Variants in OTUD7A observed in about 807,000 individuals in gnomAD.
The protein encoded by OTUD7A is OTU deubiquitinase 7A.
OTUD7A carries 12 observed loss-of-function variants against 65.7 expected under a neutral mutation model. The observed-to-expected ratio is 0.18, with a 90% CI of 0.12 to 0.30. OTUD7A has a LOEUF of 0.30. Among genes scored for constraint, OTUD7A ranks in the 10% least tolerant of loss-of-function variants. The pLI, the probability that OTUD7A is intolerant of heterozygous loss-of-function variation, is 1.00. For synonymous variants in OTUD7A, 641 were observed against 586.3 expected (o/e 1.09, Z -1.35); for missense variants, 1,148 against 1,304.8 (o/e 0.88, Z 1.85).
Position 31,483,551 on chromosome 15 carries a change from C to A in OTUD7A, c.2545G>T (p.Gly849Trp). 1 of 1,310,222 alleles carries A rather than the reference C, an allele frequency of 7.6e-7. No individual in the cohort carries two copies. 81.2% of individuals were successfully genotyped at this position (1,310,222 alleles called of 1,614,324 possible). ...GALPGAAGTA[G>W]AAEHKSQTYT... ...GTCTGCGACTTGTGCTCGGCCGCCC[C>A]CGCCGTCCCCGCCGCGCCCGGTAGG... The change falls in exon 13 of 13, where the codon GGG becomes TGG. Residue 849 changes from glycine to tryptophan, a missense_variant. Physicochemically the swap from Gly to Trp is radical, Grantham distance 184 (BLOSUM62 -2). Coordinates refer to ENST00000307050, the MANE Select transcript of OTUD7A (RefSeq NM_001382637.1).
At chr15:31,780,379 G>A (rs535604407) in intron 1 of OTUD7A, among the ~76,000 whole-genome samples, 2 of 152,158 alleles carry the variant, frequency 1.3e-5, no homozygotes, top group Non-Finnish European at 2.9e-5. Context: ...CTTTACTATA[G>A]ATTAAATTTC....
intron 1 of OTUD7A, chr15:31,766,830 T>G: frequency 6.2e-7 from 1 of 1,612,584 alleles, no homozygotes; most frequent in Non-Finnish European, 8.5e-7. Context: ...GTTTATTATT[T>G]TGTCCTTCTA....
chr15:31,526,244 A>C, intron 8 of OTUD7A, 105 bp downstream of exon 8: 1 of 1,162,070 alleles, frequency 8.6e-7, no homozygotes, highest in East Asian at 2.7e-5. Flanking sequence ...CTTCCACAGC[A>C]CAAGAGTCCC....
chr15:31,491,758 A>G (rs1361460516), intron 10 of OTUD7A, among the ~76,000 whole-genome samples: 1 of 152,216 alleles, frequency 6.6e-6, no homozygotes, highest in Admixed American at 6.5e-5. Context: ...GAAGGCAGCC[A>G]GAGAAAAAAG....
At chr15:31,609,371 G>A (rs967241234) in intron 3 of OTUD7A, among the ~76,000 whole-genome samples, 4 of 152,180 alleles carry the variant, frequency 2.6e-5, no homozygotes, top group Non-Finnish European at 5.9e-5. Flanking sequence ...ACTTGGTGCC[G>A]TTAGCAGGCA....
chr15:31,755,007 G>A (rs962333465), intron 1 of OTUD7A, among the ~76,000 whole-genome samples: 3 of 151,632 alleles, frequency 2.0e-5, no homozygotes, highest in African/African-American at 7.3e-5. Flanking sequence ...GAGAGACAGA[G>A]AGAGAGAGAG....
chr15:31,837,138 C>T (rs944862640), intron 1 of OTUD7A, among the ~76,000 whole-genome samples: 1 of 152,148 alleles, frequency 6.6e-6, no homozygotes, highest in African/African-American at 2.4e-5. Context: ...AGCAAGGTCA[C>T]AAGATACAAC....
At chr15:31,573,502 CA>C (rs1241705613) in intron 3 of OTUD7A, among the ~76,000 whole-genome samples, 1 of 152,088 alleles carries the variant, frequency 6.6e-6, no homozygotes, top group African/African-American at 2.4e-5. Flanking sequence ...AATATTCTGT[CA>C]AAATGAAAAT....
chr15:31,486,794 A>G (rs1256613080), intron 12 of OTUD7A, among the ~76,000 whole-genome samples: 1 of 152,214 alleles, frequency 6.6e-6, no homozygotes, highest in Non-Finnish European at 1.5e-5. Flanking sequence ...GCGGCAGCAC[A>G]TTGTGTTCTG....
At chr15:31,520,443 C>T (rs888439655) in intron 8 of OTUD7A, among the ~76,000 whole-genome samples, 5 of 152,078 alleles carry the variant, frequency 3.3e-5, no homozygotes, top group African/African-American at 9.7e-5. Context: ...AATTGCATAG[C>T]GATATGCAGA....
chr15:31,605,216 G>A (rs768546483), intron 3 of OTUD7A, among the ~76,000 whole-genome samples: 31 of 152,088 alleles, frequency 2.0e-4, no homozygotes, highest in Non-Finnish European at 4.4e-5. Context: ...TGGTAAATAT[G>A]TTATGTGGCA....
intron 1 of OTUD7A, among the ~76,000 whole-genome samples, chr15:31,775,105 C>G (rs2140918392): frequency 1.3e-5 from 2 of 152,094 alleles, no homozygotes; most frequent in South Asian, 2.1e-4. Context: ...CACACACACA[C>G]ACACACACAC....
At chr15:31,503,208 G>C (rs2041499108) in intron 9 of OTUD7A, among the ~76,000 whole-genome samples, 2 of 152,218 alleles carry the variant, frequency 1.3e-5, no homozygotes, top group African/African-American at 2.4e-5. Context: ...TGGTGGGCAG[G>C]CCATAAACTG....
At chr15:31,645,995 A>G (rs964158152) in intron 3 of OTUD7A, among the ~76,000 whole-genome samples, 1 of 152,252 alleles carries the variant, frequency 6.6e-6, no homozygotes, top group African/African-American at 2.4e-5. Context: ...CTTAATATGC[A>G]GCAGCCTCCT....
At chr15:31,852,389 G>GT (rs1349693830) in intron 1 of OTUD7A, among the ~76,000 whole-genome samples, 1 of 152,154 alleles carries the variant, frequency 6.6e-6, no homozygotes, top group Non-Finnish European at 1.5e-5. Context: ...TTGAAACTAA[G>GT]TTTTGCAGAT....
At chr15:31,635,706 G>GT in intron 3 of OTUD7A, among the ~76,000 whole-genome samples, 1 of 152,344 alleles carries the variant, frequency 6.6e-6, no homozygotes, top group East Asian at 1.9e-4. Flanking sequence ...AAAAGTCGAT[G>GT]TAACTGGAGG....
intron 3 of OTUD7A, among the ~76,000 whole-genome samples, chr15:31,646,551 C>G (rs1424492034): frequency 3.3e-5 from 5 of 151,488 alleles, no homozygotes; most frequent in African/African-American, 1.2e-4. Context: ...ACCTCTGCCT[C>G]CTGGGTTCAA....
At chr15:31,563,161 GAA>G (rs1280460390) in intron 4 of OTUD7A, among the ~76,000 whole-genome samples, 3 of 152,170 alleles carry the variant, frequency 2.0e-5, no homozygotes, top group African/African-American at 7.2e-5. Flanking sequence ...GTAGCAGAGA[GAA>G]GGGTCCTTCT....
In OTUD7A at chr15:31,483,508, C is replaced by T. The variant is rs1337372126; in HGVS notation, c.2588G>A (p.Gly863Asp). The change falls in exon 13 of 13, where the codon GGC (glycine) becomes GAC (aspartate). Residue 863 changes from glycine (G) to aspartate (D), a missense_variant. Physicochemically the swap from Gly to Asp is moderately conservative, Grantham distance 94. Transcript: ENST00000307050. Reference sequence around the variant, plus strand: ...GAACTCCAGGCCGTCGCGCAGGGCGCCGAAGCCGTTGGTGTAGGTCTGCGA... The same window carrying T: ...GAACTCCAGGCCGTCGCGCAGGGCGTCGAAGCCGTTGGTGTAGGTCTGCGA... Reference protein sequence around the residue: ...HKSQTYTNGFGALRDGLEFAD... With the variant: ...HKSQTYTNGFDALRDGLEFAD... The T allele has an allele frequency of 1.9e-5, 27 of 1,395,766 alleles. No homozygotes were observed. The highest frequency in any genetic ancestry group is 2.4e-5 in the Non-Finnish European group (26 of 1,072,846). The allele number at this position is 1,395,766 out of a possible 1,614,324, so 86.5% of individuals were successfully genotyped here. A position where few individuals can be genotyped will look rare whatever the true frequency, so the allele number is the denominator to read the frequency against.
Sources: gnomAD v4.1 joint callset for allele counts (sites outside exome capture counted in the v4.1 genomes callset) on GRCh38, gnomAD v4.1.1 for gene constraint, MANE v1.5 for transcripts, NCBI Gene and HGNC (gene_info 2026-07-23, HGNC 2026-07-21) for gene names.